The following BSN variants were observed in gnomAD, a reference collection of about 807,000 sequenced individuals.
BSN encodes the protein protein bassoon.
BSN carries 57 observed loss-of-function variants against 264.8 expected under a neutral mutation model. That is an observed-to-expected ratio of 0.22 (90% CI 0.17 to 0.27). BSN has a LOEUF of 0.27. Ranked by LOEUF, BSN falls within the 10% of genes least tolerant of loss-of-function variation. The probability of loss-of-function intolerance (pLI) is 1.00; values close to 1 mark genes in which losing one functional copy is unlikely to be tolerated. For synonymous variants in BSN, 2,059 were observed against 2,137.3 expected, an observed-to-expected ratio of 0.96 and a Z score of 1.01; for missense variants, 4,615 against 5,232.5, an observed-to-expected ratio of 0.88 and a Z score of 3.64.
At chr3:49,629,464 T>A (rs1254271065) in intron 2 of BSN, among the ~76,000 whole-genome samples, 2 of 152,166 alleles carry the variant, frequency 1.3e-5, no homozygotes, top group African/African-American at 4.8e-5. Flanking sequence ...TGGGAGTGAG[T>A]TGCTGGGGAA....
chr3:49,555,908 T>A (rs1212213655), intron 1 of BSN, among the ~76,000 whole-genome samples: 7 of 152,252 alleles, frequency 4.6e-5, no homozygotes, highest in African/African-American at 1.4e-4. Flanking sequence ...GCTGCCCGAC[T>A]GTGCCTCTTG....
chr3:49,656,756 G>A lies in BSN; in HGVS notation c.7200G>A (p.Glu2400=), dbSNP rs1414114289. ...AGGAGCTAGAGCGGGAACGTGTGGA[G>A]CTGCAGAGGCACCGTGAGGAGGAGC... is the stretch of plus-strand genomic sequence containing the variant. ...LQEELERERV[E]LQRHREEEQL... The change falls in exon 5 of 12, where the codon GAG becomes GAA. Residue 2400 remains glutamate, a synonymous_variant. Coordinates refer to ENST00000296452, the MANE Select transcript of BSN (RefSeq NM_003458.4). 8.9e-6 allele frequency: 14 copies of A among 1,578,554 alleles called. No individual in the cohort carries two copies. Among genetic ancestry groups the A allele is most frequent in the Non-Finnish European group, 1.2e-5 (14 of 1,162,132 alleles).
chr3:49,672,502 C>T (rs1443538461), downstream of BSN, among the ~76,000 whole-genome samples: 1 of 145,808 alleles, frequency 6.9e-6, no homozygotes, highest in African/African-American at 2.5e-5. Flanking sequence ...TTTCTTGAGA[C>T]GGAGTTTCAC....
chr3:49,576,838 G>C (rs1427715521), intron 1 of BSN, among the ~76,000 whole-genome samples: 1 of 152,226 alleles, frequency 6.6e-6, no homozygotes, highest in Non-Finnish European at 1.5e-5. Flanking sequence ...TGCAGCATGA[G>C]TAGTCATTTG....
In BSN at chr3:49,660,721, G is replaced by T. The variant is rs748163157; in HGVS notation, c.8876G>T (p.Arg2959Leu). The T allele has an allele frequency of 7.4e-6, 12 of 1,613,056 alleles. No individual in the cohort carries two copies. The highest frequency in any genetic ancestry group is 3.3e-5 in the Admixed American group (2 of 59,980). Residue 2959 changes from arginine to leucine, a missense_variant, in exon 6 of 12, where the codon CGC (arginine) becomes CTC (leucine). By Grantham distance (102) the Arg-to-Leu change is moderately radical. Around this residue, in one of 3 missense-constraint regions of BSN, gnomAD observed 3,415 missense variants for 3,866.4 expected, o/e 0.88. Transcript: ENST00000296452. This position sits in a 1 kb window ranked among gnomAD's most constrained non-coding sequence, Gnocchi z 7.1. ...RLVEHESTKL[R>L]KKQAELDEEE... is the part of the protein sequence containing the mutation. ...GTGGAGCATGAGTCCACCAAACTGC[G>T]CAAGAAGCAGGCAGAGCTGGATGAG...
intron 1 of BSN, among the ~76,000 whole-genome samples, chr3:49,557,567 AC>A (rs1435071724): frequency 4.1e-5 from 6 of 144,866 alleles, no homozygotes; most frequent in African/African-American, 1.5e-4. Flanking sequence ...GTGGACTTGC[AC>A]CTGTCAGTTT....
At chr3:49,665,708 C>T (rs1301729254) in intron 11 of BSN, among the ~76,000 whole-genome samples, 3 of 152,364 alleles carry the variant, frequency 2.0e-5, no homozygotes, top group African/African-American at 4.8e-5. Context: ...TTAGAGTCCC[C>T]AAACCCCACA....
At chr3:49,612,297 G>A (rs2052215017) in intron 1 of BSN, among the ~76,000 whole-genome samples, 1 of 152,168 alleles carries the variant, frequency 6.6e-6, no homozygotes, top group African/African-American at 2.4e-5. Flanking sequence ...CGCCATGCCT[G>A]GCTAATTTTT....
intron 2 of BSN, among the ~76,000 whole-genome samples, chr3:49,631,877 T>C (rs1011436085): frequency 5.3e-5 from 8 of 152,068 alleles, no homozygotes; most frequent in African/African-American, 1.9e-4. Flanking sequence ...GCCAAAATAA[T>C]TGTGAAAAAG....
chr3:49,656,218 G>A lies in BSN; in HGVS notation c.6662G>A (p.Arg2221His), dbSNP rs149454072. The change falls in exon 5 of 12, where the codon CGT (arginine) becomes CAT (histidine). Residue 2221 changes from arginine (R) to histidine (H), a missense_variant. Physicochemically the swap from Arg to His is conservative, Grantham distance 29 (BLOSUM62 0). Around this residue, in one of 3 missense-constraint regions of BSN, gnomAD observed 3,415 missense variants for 3,866.4 expected, o/e 0.88. Coordinates refer to ENST00000296452, the MANE Select transcript of BSN (RefSeq NM_003458.4). ...QPASVLRPMV[R>H]GGMYRPYASG... The stretch of plus-strand genomic sequence containing the variant: ...GCCTCAGTCCTGCGGCCCATGGTGC[G>A]TGGTGGCATGTACAGGCCTTACGCA... The A allele has an allele frequency of 5.5e-5, 88 of 1,610,290 alleles. No homozygotes were observed. The African/African-American group carries it at 6.3e-4, about 11-fold the overall frequency.
intron 3 of BSN, among the ~76,000 whole-genome samples, chr3:49,643,731 CAT>C (rs1455859568): frequency 6.6e-6 from 1 of 152,204 alleles, no homozygotes; most frequent in Non-Finnish European, 1.5e-5. Context: ...CTTTGGTCCA[CAT>C]GTTTTACCCA....
rs753510013 is a variant in BSN, at chr3:49,654,421, G to A, written c.4865G>A (p.Gly1622Asp). ...PPGFPRVPSA[G>D]ADGPLALYGW... is the part of the protein sequence containing the mutation. The stretch of plus-strand genomic sequence containing the variant: ...GGCTTTCCACGGGTGCCCAGTGCTG[G>A]TGCAGATGGGCCCCTGGCACTATAT... The change falls in exon 5 of 12, where the codon GGT becomes GAT. Residue 1622 changes from glycine (G) to aspartate (D), a missense_variant. Gly to Asp is a moderately conservative substitution (Grantham distance 94, BLOSUM62 -1). Coordinates refer to ENST00000296452, the MANE Select transcript of BSN (RefSeq NM_003458.4). The surrounding 1 kb of genome is among the most constrained non-coding windows in gnomAD (Gnocchi z 4.1). 1 of 1,599,752 alleles carries A rather than the reference G, an allele frequency of 6.3e-7. No homozygotes were observed. Among genetic ancestry groups the A allele is most frequent in the South Asian group, 1.1e-5 (1 of 87,298 alleles).
In BSN at chr3:49,663,221, C is replaced by G. The variant is rs776591529; in HGVS notation, c.11063C>G (p.Ala3688Gly). The change falls in exon 7 of 12, where the codon GCT (alanine) becomes GGT (glycine). Residue 3688 changes from alanine (A) to glycine (G), a missense_variant. Transcript: ENST00000296452. Reference sequence around the variant, plus strand: ...CGGCCCCACTCTCAGCCCAGCTCTGCTCCAGCTATGCCGAAGAAGGGTCAG... The same window carrying G: ...CGGCCCCACTCTCAGCCCAGCTCTGGTCCAGCTATGCCGAAGAAGGGTCAG... ...EARPHSQPSSAPAMPKKGQPG... is the reference protein window; with the variant it reads ...EARPHSQPSSGPAMPKKGQPG... 1.2e-6 allele frequency: 2 copies of G among 1,614,022 alleles called. No homozygotes were observed. The highest frequency in any genetic ancestry group is 1.7e-6 in the Non-Finnish European group (2 of 1,180,034).
downstream of BSN, chr3:49,671,621 A>G (rs866941361): frequency 2.6e-5 from 4 of 152,506 alleles, no homozygotes; most frequent in Middle Eastern, 3.2e-3. This position sits in a 1 kb window ranked among gnomAD's most constrained non-coding sequence, Gnocchi z 4.1. Flanking sequence ...ATTTGCGACA[A>G]TCCTGTCCAT....
chr3:49,656,532 C>T lies in BSN; in HGVS notation c.6976C>T (p.Pro2326Ser), dbSNP rs750898645. ...PAAIKEAAGA[P>S]APAPLAGQKP... Reference sequence around the variant, plus strand: ...TGCCATCAAGGAGGCTGCAGGAGCCCCAGCTCCTGCCCCACTAGCTGGCCA... The same window carrying T: ...TGCCATCAAGGAGGCTGCAGGAGCCTCAGCTCCTGCCCCACTAGCTGGCCA... Residue 2326 changes from proline to serine, a missense_variant, in exon 5 of 12, where the codon CCA becomes TCA. Around this residue, in one of 3 missense-constraint regions of BSN, gnomAD observed 3,415 missense variants for 3,866.4 expected, o/e 0.88. Transcript: ENST00000296452. The T allele has an allele frequency of 1.1e-5, 18 of 1,567,880 alleles. No homozygotes were observed. The highest frequency in any genetic ancestry group is 1.5e-5 in the Non-Finnish European group (17 of 1,157,504).
At chr3:49,632,025 A>G (rs750560942) in intron 2 of BSN, among the ~76,000 whole-genome samples, 1 of 152,244 alleles carries the variant, frequency 6.6e-6, no homozygotes, top group African/African-American at 2.4e-5. Flanking sequence ...AAACCCTCAC[A>G]TATACGGTCA....
Position 49,670,714 on chromosome 3 carries a change from C to T in BSN, c.*3229C>T, listed in dbSNP as rs2052748330. On this transcript the variant is annotated 3_prime_UTR_variant, in exon 12 of 12. Transcript: ENST00000296452. ...CTCTCCCCAGCATCATGAGCAAGGGCATTGCCTCCTCTCTCTGCTCACTTC... is the reference window on the plus strand; with the variant it reads ...CTCTCCCCAGCATCATGAGCAAGGGTATTGCCTCCTCTCTCTGCTCACTTC... 6.6e-6 allele frequency: 1 copy of T among 152,364 alleles called. No individual in the cohort carries two copies. The allele number at this position is 152,364 out of a possible 1,614,324, so 9.4% of individuals were successfully genotyped here.
chr3:49,587,657 A>G (rs934529355), intron 1 of BSN, among the ~76,000 whole-genome samples: 3 of 152,154 alleles, frequency 2.0e-5, no homozygotes, highest in African/African-American at 2.4e-5. Flanking sequence ...GATGTTTCCT[A>G]TTGGTTGCTT....
At chr3:49,624,900 C>T (rs2052330889) in intron 1 of BSN, 75 bp from the exon 2 acceptor site, 2 of 1,407,520 alleles carry the variant, frequency 1.4e-6, no homozygotes, top group Non-Finnish European at 1.9e-6. Context: ...GGCAGGGTCA[C>T]CTAGCTTGGT....
Sources: allele counts gnomAD v4.1 joint callset (sites outside exome capture counted in the v4.1 genomes callset), GRCh38; gene constraint gnomAD v4.1.1; regional missense constraint gnomAD v4.1.1; non-coding constraint Gnocchi (gnomAD v3.1); transcripts MANE v1.5; gene names NCBI Gene and HGNC (gene_info 2026-07-23, HGNC 2026-07-21).